Variants in LRRC7 observed in about 807,000 individuals in gnomAD.
LRRC7 encodes leucine-rich repeat-containing protein 7.
A neutral mutation model predicts 175.7 loss-of-function variants in LRRC7; 23 were observed. That is an observed-to-expected ratio of 0.13 (90% CI 0.09 to 0.19). The LOEUF is 0.19. Ranked by LOEUF, LRRC7 falls within the 10% of genes least tolerant of loss-of-function variation. The pLI, the probability that LRRC7 is intolerant of heterozygous loss-of-function variation, is 1.00. For synonymous variants in LRRC7, 685 were observed against 680.9 expected (o/e 1.01, Z -0.09); for missense variants, 1,354 against 1,904.7 (o/e 0.71, Z 5.38).
At chr1:69,699,109 A>G (rs1408478111) in intron 2 of LRRC7, among the ~76,000 whole-genome samples, 3 of 152,154 alleles carry the variant, frequency 2.0e-5, no homozygotes, top group African/African-American at 7.2e-5. Flanking sequence ...TGTGGAAGAC[A>G]GTGTGGCGAT....
rs188981725 is a variant in LRRC7 at position 69,821,046 on chromosome 1, T to A, written c.422-4702T>A. Among the ~76,000 whole-genome samples, 376 of 152,330 alleles carry A rather than the reference T, an allele frequency of 2.5e-3. 1 individual carries two copies. The highest frequency in any genetic ancestry group is 7.3e-3 in the Admixed American group (111 of 15,298). On this transcript the variant is annotated intron_variant, in intron 4 of 26. Transcript: ENST00000651989. The stretch of plus-strand genomic sequence containing the variant: ...CTGTTGTTTCCTGACTTTTTAGTGA[T>A]CACCATTCTAACTGGTGTGAGACAG...
At chr1:69,822,919 T>C (rs756307506) in intron 4 of LRRC7, among the ~76,000 whole-genome samples, 4 of 152,220 alleles carry the variant, frequency 2.6e-5, no homozygotes, top group South Asian at 2.1e-4. Context: ...CCATCTTGCT[T>C]ATGTCACTGA....
intron 11 of LRRC7, among the ~76,000 whole-genome samples, chr1:70,001,123 G>C (rs1209841211): frequency 1.3e-5 from 2 of 151,954 alleles, no homozygotes; most frequent in Admixed American, 6.6e-5. Context: ...GAATTGTATA[G>C]TTTCTGAAAA....
In LRRC7 at chr1:69,614,756, A is replaced by G. The variant is rs576483540; in HGVS notation, c.2+46115A>G. Among the ~76,000 whole-genome samples the G allele has an allele frequency of 2.6e-5, 4 of 152,192 alleles. No homozygotes were observed. The East Asian group carries it at 7.7e-4, about 29-fold the overall frequency. On this transcript the variant is annotated intron_variant, in intron 1 of 26. Coordinates refer to ENST00000651989, the MANE Select transcript of LRRC7 (RefSeq NM_001370785.2). ...AACATGTGTGATCTCTCTTATTTGT[A>G]AAATGCAACAAATCTACTTACTGTG...
chr1:69,927,854 A>G (rs559969041), intron 7 of LRRC7, among the ~76,000 whole-genome samples: 21 of 152,272 alleles, frequency 1.4e-4, no homozygotes, highest in Non-Finnish European at 2.8e-4. Context: ...CTGGTGAGGA[A>G]CTGCATTCCT....
At chr1:69,807,239 C>T (rs1303665314) in intron 4 of LRRC7, among the ~76,000 whole-genome samples, 4 of 152,028 alleles carry the variant, frequency 2.6e-5, no homozygotes, top group African/African-American at 9.7e-5. Context: ...TGGGTCTTGA[C>T]TCTTTATCCA....
chr1:69,817,888 G>T (rs1206638007), intron 4 of LRRC7, among the ~76,000 whole-genome samples: 1 of 151,958 alleles, frequency 6.6e-6, no homozygotes, highest in Non-Finnish European at 1.5e-5. Context: ...CCACATTATT[G>T]TAAGCATTGT....
chr1:69,872,199 T>C (rs1015250782), intron 7 of LRRC7, among the ~76,000 whole-genome samples: 3 of 151,978 alleles, frequency 2.0e-5, no homozygotes, highest in Non-Finnish European at 4.4e-5. Context: ...GTTGGTAAAG[T>C]TGTAGCATTT....
chr1:70,000,782 T>C (rs1655448824), intron 11 of LRRC7, among the ~76,000 whole-genome samples: 1 of 152,188 alleles, frequency 6.6e-6, no homozygotes, highest in Admixed American at 6.6e-5. Flanking sequence ...AAAAGGCCGG[T>C]TCTGATCCAG....
At chr1:69,953,574 A>G (rs1469514831) in intron 8 of LRRC7, among the ~76,000 whole-genome samples, 1 of 152,064 alleles carries the variant, frequency 6.6e-6, no homozygotes, top group African/African-American at 2.4e-5. Context: ...GTTTCAGTGC[A>G]TCAAGTGCTG....
chr1:69,836,833 AT>A, intron 6 of LRRC7, among the ~76,000 whole-genome samples: 1 of 151,774 alleles, frequency 6.6e-6, no homozygotes, highest in African/African-American at 2.4e-5. Flanking sequence ...TCATATACAG[AT>A]TAATCATTAT....
chr1:69,725,000 A>G (rs1434002399), intron 2 of LRRC7, among the ~76,000 whole-genome samples: 1 of 152,076 alleles, frequency 6.6e-6, no homozygotes, highest in Admixed American at 6.6e-5. Context: ...CAATCACAAA[A>G]CCAAATATAA....
intron 7 of LRRC7, among the ~76,000 whole-genome samples, chr1:69,909,629 C>T (rs1646455110): frequency 6.6e-6 from 1 of 152,174 alleles, no homozygotes; most frequent in Non-Finnish European, 1.5e-5. Context: ...AGGGTTTCTG[C>T]TGAGAGATCC....
At chr1:69,919,591 C>T (rs1646820657) in intron 7 of LRRC7, 4 of 810,900 alleles carry the variant, frequency 4.9e-6, no homozygotes, top group Non-Finnish European at 8.6e-6. Flanking sequence ...TCACCCGGAC[C>T]AAGGAGGAGG....
intron 7 of LRRC7, among the ~76,000 whole-genome samples, chr1:69,918,412 G>A (rs1028310031): frequency 6.6e-6 from 1 of 152,152 alleles, no homozygotes; most frequent in African/African-American, 2.4e-5. Flanking sequence ...TTATTTTTCT[G>A]AGAAAATCTT....
At chr1:69,791,602 G>C (rs1260823819) in intron 3 of LRRC7, among the ~76,000 whole-genome samples, 1 of 151,994 alleles carries the variant, frequency 6.6e-6, no homozygotes, top group Non-Finnish European at 1.5e-5. Context: ...TGCAGTTTTT[G>C]CATATTTGAT....
At chr1:69,987,186 A>C (rs1270416891) in intron 10 of LRRC7, among the ~76,000 whole-genome samples, 1 of 152,164 alleles carries the variant, frequency 6.6e-6, no homozygotes, top group African/African-American at 2.4e-5. Context: ...CGGTGGTTGC[A>C]GTGAGCCGAG....
At chr1:70,074,828 C>T (rs541524630) in intron 23 of LRRC7, among the ~76,000 whole-genome samples, 3 of 152,210 alleles carry the variant, frequency 2.0e-5, no homozygotes, top group South Asian at 4.2e-4. Flanking sequence ...TTTTCATTAT[C>T]ACTGTAGTGT....
intron 11 of LRRC7, among the ~76,000 whole-genome samples, chr1:69,996,573 G>A (rs1654991273): frequency 6.6e-6 from 1 of 151,440 alleles, no homozygotes; most frequent in Non-Finnish European, 1.5e-5. Flanking sequence ...ATTGATTTTT[G>A]TATAAGGTGT....
Sources: allele counts gnomAD v4.1 joint callset (sites outside exome capture counted in the v4.1 genomes callset), GRCh38; gene constraint gnomAD v4.1.1; transcripts MANE v1.5; gene names NCBI Gene and HGNC (gene_info 2026-07-23, HGNC 2026-07-21).